The following VWA8 variants were observed in gnomAD, a reference collection of about 807,000 sequenced individuals.
VWA8 encodes von Willebrand factor A domain containing 8, also known as von Willebrand factor A domain-containing protein 8.
A neutral mutation model predicts 241.5 loss-of-function variants in VWA8; 221 were observed. The observed-to-expected ratio is 0.91, with a 90% CI of 0.82 to 1.02. The LOEUF (loss-of-function observed/expected upper bound fraction) is 1.02, where lower values mean the gene tolerates loss of function less well. VWA8 is among the 50% of genes least tolerant of loss of function. The probability of loss-of-function intolerance (pLI) is 0.00; values close to 1 mark genes in which losing one functional copy is unlikely to be tolerated. For missense variants in VWA8, 2,322 were observed against 2,328.7 expected (o/e 1.00, Z 0.06); for synonymous variants, 852 against 827.1 (o/e 1.03, Z -0.52).
At position 41,568,861 on chromosome 13, in the gene VWA8, A is replaced by G. The variant is rs188292690; in HGVS notation, c.5610-556T>C. ...TCCAATTACTGCTTCAATGACACTG[A>G]GGTTATACAGGCTTATGAAATTTTT... On this transcript the variant is annotated intron_variant, in intron 44 of 44. Coordinates refer to ENST00000379310, the MANE Select transcript of VWA8 (RefSeq NM_015058.2). Among the ~76,000 whole-genome samples the G allele has an allele frequency of 4.9e-4, 74 of 152,310 alleles. 1 individual carries two copies. In the East Asian group the frequency reaches 0.012, roughly 24 times the overall value.
chr13:41,926,242 A>G (rs979796924), intron 2 of VWA8: 2 of 681,858 alleles, frequency 2.9e-6, no homozygotes, highest in Non-Finnish European at 5.5e-6. Flanking sequence ...CCTCATCTTC[A>G]CTGTGGCCTC....
At chr13:41,702,019 A>T (rs2045253491) in intron 27 of VWA8, among the ~76,000 whole-genome samples, 1 of 152,346 alleles carries the variant, frequency 6.6e-6, no homozygotes, top group Admixed American at 6.5e-5. Context: ...GAAATTTTTT[A>T]AAAAACCAAA....
chr13:41,865,448 T>C (rs770202968), intron 12 of VWA8: 20 of 334,288 alleles, frequency 6.0e-5, no homozygotes, highest in Middle Eastern at 9.9e-4. Context: ...TAACTATTAA[T>C]CAACCTCTCT....
At chr13:41,710,495 CAA>C (rs2045309426) in intron 26 of VWA8, among the ~76,000 whole-genome samples, 1 of 152,156 alleles carries the variant, frequency 6.6e-6, no homozygotes, top group African/African-American at 2.4e-5. Context: ...GAATATAAGG[CAA>C]AGACTATGAC....
intron 26 of VWA8, among the ~76,000 whole-genome samples, chr13:41,714,584 T>C (rs773831825): frequency 4.6e-5 from 7 of 152,146 alleles, no homozygotes; most frequent in Middle Eastern, 6.8e-3. Flanking sequence ...GCTAGTATAC[T>C]TCTTATATAA....
chr13:41,805,538 G>A (rs962545059), intron 17 of VWA8, among the ~76,000 whole-genome samples: 55 of 152,212 alleles, frequency 3.6e-4, no homozygotes, highest in Non-Finnish European at 7.2e-4. Context: ...ACATGGCTGG[G>A]TGCGGTGGCT....
intron 20 of VWA8, among the ~76,000 whole-genome samples, chr13:41,764,860 G>A (rs2045768692): frequency 6.6e-6 from 1 of 152,000 alleles, no homozygotes; most frequent in African/African-American, 2.4e-5. Context: ...TGAAGTAAAG[G>A]AATAATACGA....
intron 42 of VWA8, 21 bp downstream of exon 42, chr13:41,587,491 A>G: frequency 6.2e-7 from 1 of 1,613,744 alleles, no homozygotes; most frequent in Non-Finnish European, 8.5e-7. Flanking sequence ...GCCTCTCATT[A>G]TTCTTAGTTC....
chr13:41,787,558 G>A lies in VWA8; in HGVS notation c.2064-15C>T. 1.3e-6 allele frequency: 2 copies of A among 1,557,070 alleles called. No homozygotes were observed. Among genetic ancestry groups the A allele is most frequent in the Non-Finnish European group, 1.8e-6 (2 of 1,129,636 alleles). On this transcript the variant is annotated splice_polypyrimidine_tract_variant and intron_variant, in intron 17 of 44. Transcript: ENST00000379310. ...TGGGTAAAAACCTGGAGGATGAAGA[G>A]GGAGGAAGGGGGAAATGGCTTAAGT...
intron 39 of VWA8, among the ~76,000 whole-genome samples, chr13:41,609,891 T>C (rs1158166069): frequency 1.3e-5 from 2 of 152,186 alleles, no homozygotes; most frequent in Admixed American, 1.3e-4. Flanking sequence ...CTCTCTTACA[T>C]CCGCTAAATT....
intron 37 of VWA8, among the ~76,000 whole-genome samples, chr13:41,622,375 G>A (rs890583283): frequency 6.6e-6 from 1 of 152,178 alleles, no homozygotes; most frequent in African/African-American, 2.4e-5. Flanking sequence ...TTGCTTTCAT[G>A]TGCGTGTTGA....
Position 41,568,116 on chromosome 13 carries a change from C to A in VWA8, c.*81G>T. 1.7e-6 allele frequency: 2 copies of A among 1,203,102 alleles called. No individual in the cohort carries two copies. The highest frequency in any genetic ancestry group is 1.3e-5 in the South Asian group (1 of 76,656). The allele number at this position is 1,203,102 out of a possible 1,614,324, so 74.5% of individuals were successfully genotyped here. A position where few individuals can be genotyped will look rare whatever the true frequency, so the allele number is the denominator to read the frequency against. ...AGTCACTGCATGGGTTCACTTCATC[C>A]ATATCTTCTTTTTTTCAGAATACTC... On this transcript the variant is annotated 3_prime_UTR_variant, in exon 45 of 45. Coordinates refer to ENST00000379310, the MANE Select transcript of VWA8 (RefSeq NM_015058.2).
Position 41,614,919 on chromosome 13 carries a change from T to TA in VWA8, c.4720+56dup. Reference sequence around the variant, plus strand: ...TCTTCTCAGGGGCGATGTGCTGGCCTAATGGGCTTGGGAAACCTGGGGAAG... The same window carrying TA: ...TCTTCTCAGGGGCGATGTGCTGGCCTAAATGGGCTTGGGAAACCTGGGGAAG... On this transcript the variant is annotated intron_variant, in intron 38 of 44. Coordinates refer to ENST00000379310, the MANE Select transcript of VWA8 (RefSeq NM_015058.2). The TA allele has an allele frequency of 1.9e-6, 3 of 1,565,522 alleles. No homozygotes were observed. In the Admixed American group the frequency reaches 5.0e-5, roughly 26 times the overall value.
chr13:41,626,594 A>T (rs1379110887), intron 37 of VWA8, among the ~76,000 whole-genome samples: 1 of 152,092 alleles, frequency 6.6e-6, no homozygotes, highest in Non-Finnish European at 1.5e-5. Context: ...GAGCAGGTTA[A>T]CGAACCCCAA....
At chr13:41,675,561 C>T (rs1328275971) in intron 35 of VWA8, among the ~76,000 whole-genome samples, 1 of 151,536 alleles carries the variant, frequency 6.6e-6, no homozygotes, top group African/African-American at 2.4e-5. Context: ...AATGTTTTTG[C>T]ATTTACAGTT....
intron 43 of VWA8, among the ~76,000 whole-genome samples, chr13:41,573,123 A>AAAAAAAAAAAG (rs1555303453): frequency 6.7e-6 from 1 of 150,342 alleles, no homozygotes; most frequent in African/African-American, 2.5e-5. Context: ...AAAAAAAAAA[A>AAAAAAAAAAAG]AAAAGAAACA....
intron 33 of VWA8, among the ~76,000 whole-genome samples, chr13:41,689,824 G>GT (rs2045163518): frequency 6.6e-6 from 1 of 151,704 alleles, no homozygotes; most frequent in Non-Finnish European, 1.5e-5. Flanking sequence ...GATTTTTTTC[G>GT]TAAGTACTAT....
intron 20 of VWA8, among the ~76,000 whole-genome samples, chr13:41,761,954 T>C (rs747166995): frequency 3.9e-5 from 6 of 151,932 alleles, no homozygotes; most frequent in Non-Finnish European, 7.4e-5. Context: ...GTGGAAAGAG[T>C]TATAGTTTAA....
At chr13:41,852,460 T>C (rs1872565953) in intron 12 of VWA8, among the ~76,000 whole-genome samples, 1 of 152,180 alleles carries the variant, frequency 6.6e-6, no homozygotes, top group African/African-American at 2.4e-5. Context: ...CTCATTTATC[T>C]GCATTTATCT....
Sources: gnomAD v4.1 joint callset for allele counts (sites outside exome capture counted in the v4.1 genomes callset) on GRCh38, gnomAD v4.1.1 for gene constraint, MANE v1.5 for transcripts, NCBI Gene and HGNC (gene_info 2026-07-23, HGNC 2026-07-21) for gene names.